Variants in NMT2 observed in about 807,000 individuals in gnomAD.
The protein encoded by NMT2 is N-myristoyltransferase 2.
In NMT2, 35 loss-of-function variants were observed where a neutral mutation model predicts 65.4. That is an observed-to-expected ratio of 0.54 (90% CI 0.41 to 0.71). NMT2 has a LOEUF of 0.71. Ranked by LOEUF, NMT2 falls within the 30% of genes least tolerant of loss-of-function variation. The pLI, the probability that NMT2 is intolerant of heterozygous loss-of-function variation, is 0.00. For missense variants in NMT2, 489 were observed against 611.3 expected (o/e 0.80, Z 2.11); for synonymous variants, 226 against 231.8 (o/e 0.98, Z 0.23).
rs746257570 is a variant in NMT2, at chr10:15,130,132, G to A, written c.890+10C>T. The A allele has an allele frequency of 1.0e-5, 15 of 1,486,430 alleles. No homozygotes were observed. The highest frequency in any genetic ancestry group is 1.4e-5 in the African/African-American group (1 of 70,652). The allele number at this position is 1,486,430 out of a possible 1,614,324, so 92.1% of individuals were successfully genotyped here. ...AGGGAGGACCTGAGGTAGAAATATG[G>A]TACTGGTACCTGCATGTGGCTATGG... On this transcript the variant is annotated intron_variant, in intron 7 of 11. Transcript: ENST00000378165.
chr10:15,135,423 G>A lies in NMT2; in HGVS notation c.247-5C>T, dbSNP rs369397146. The A allele has an allele frequency of 2.0e-5, 32 of 1,613,384 alleles. No homozygotes were observed. The highest frequency in any genetic ancestry group is 6.7e-5 in the African/African-American group (5 of 74,878). ...CTGCATTGGAACACTGGGATTCTACGACAGCAAAGACAGACACAGAATATG... is the reference window on the plus strand; with the variant it reads ...CTGCATTGGAACACTGGGATTCTACAACAGCAAAGACAGACACAGAATATG... On this transcript the variant is annotated splice_region_variant and splice_polypyrimidine_tract_variant and intron_variant, in intron 2 of 11. Transcript: ENST00000378165.
chr10:15,123,286 C>T (rs1472198990), intron 8 of NMT2, among the ~76,000 whole-genome samples: 1 of 152,096 alleles, frequency 6.6e-6, no homozygotes, highest in Non-Finnish European at 1.5e-5. Context: ...GTGGCTCACA[C>T]CTGTAATCTC....
intron 1 of NMT2, among the ~76,000 whole-genome samples, chr10:15,161,081 CAAAAA>C (rs750859200): frequency 2.6e-4 from 5 of 19,274 alleles, no homozygotes; most frequent in Admixed American, 1.2e-3. Flanking sequence ...CCTCAAAAAT[CAAAAA>C]AAAAAAAAAA....
chr10:15,159,436 A>G lies in NMT2; in HGVS notation c.110+9067T>C, dbSNP rs983493634. ...TTTATTTATTTATTTATTGAGACAG[A>G]GTCTCACTGTCGCCCAGGCTCACTG... On this transcript the variant is annotated intron_variant, in intron 1 of 11. Coordinates refer to ENST00000378165, the MANE Select transcript of NMT2 (RefSeq NM_004808.3). 6.4e-5 allele frequency among the ~76,000 whole-genome samples: 8 copies of G among 125,634 alleles called. No individual in the cohort carries two copies. In the South Asian group the frequency reaches 1.4e-3, roughly 22 times the overall value. The allele number at this position is 125,634 out of a possible 152,430, so 82.4% of individuals were successfully genotyped here. A position where few individuals can be genotyped will look rare whatever the true frequency, so the allele number is the denominator to read the frequency against.
intron 9 of NMT2, among the ~76,000 whole-genome samples, chr10:15,116,353 C>T (rs545857994): frequency 8.6e-5 from 13 of 151,946 alleles, no homozygotes; most frequent in East Asian, 3.9e-4. Context: ...AAGCCTCAAA[C>T]GAAACCAAAA....
chr10:15,127,057 C>T (rs776558884), intron 8 of NMT2, among the ~76,000 whole-genome samples: 1 of 148,796 alleles, frequency 6.7e-6, no homozygotes, highest in Admixed American at 6.7e-5. Context: ...ATGGTGAAAC[C>T]CCCGCCATCT....
At chr10:15,134,428 C>T (rs1282496625) in intron 3 of NMT2, among the ~76,000 whole-genome samples, 1 of 152,162 alleles carries the variant, frequency 6.6e-6, no homozygotes, top group East Asian at 1.9e-4. Context: ...AGGGACGGGC[C>T]CCTTGGAATT....
chr10:15,126,556 T>C (rs555872990), intron 8 of NMT2, among the ~76,000 whole-genome samples: 1 of 152,248 alleles, frequency 6.6e-6, no homozygotes, highest in South Asian at 2.1e-4. Flanking sequence ...CTGGCTTTGA[T>C]GAATAAGCTG....
At chr10:15,156,627 G>A (rs1166942170) in intron 1 of NMT2, among the ~76,000 whole-genome samples, 2 of 152,076 alleles carry the variant, frequency 1.3e-5, no homozygotes, top group East Asian at 1.9e-4. Flanking sequence ...GGCCAGGCGC[G>A]GTGGCTCACG....
intron 1 of NMT2, among the ~76,000 whole-genome samples, chr10:15,145,584 T>G (rs1020728832): frequency 6.6e-6 from 1 of 152,190 alleles, no homozygotes; most frequent in Non-Finnish European, 1.5e-5. Flanking sequence ...TTCGCTACGT[T>G]GGCCAGGACA....
intron 8 of NMT2, among the ~76,000 whole-genome samples, chr10:15,122,577 G>A (rs568147567): frequency 1.3e-5 from 2 of 152,142 alleles, no homozygotes; most frequent in South Asian, 2.1e-4. Flanking sequence ...GTGCCACCAC[G>A]CCCAGCTAAT....
At chr10:15,153,807 G>A (rs1028870634) in intron 1 of NMT2, among the ~76,000 whole-genome samples, 2 of 151,252 alleles carry the variant, frequency 1.3e-5, no homozygotes, top group African/African-American at 2.4e-5. Context: ...CCGCCACCAC[G>A]CCCGGCTAAT....
chr10:15,127,374 C>T (rs1452947633), intron 8 of NMT2, among the ~76,000 whole-genome samples: 1 of 150,952 alleles, frequency 6.6e-6, no homozygotes, highest in Non-Finnish European at 1.5e-5. Flanking sequence ...GGTGAAACCC[C>T]GTCTCTACTA....
chr10:15,130,714 A>C, intron 6 of NMT2, among the ~76,000 whole-genome samples: 1 of 150,340 alleles, frequency 6.7e-6, no homozygotes. Context: ...AAAAAAAAAA[A>C]AAAAAAAAAA....
chr10:15,151,730 G>C (rs957484706), intron 1 of NMT2, among the ~76,000 whole-genome samples: 2 of 152,108 alleles, frequency 1.3e-5, no homozygotes, highest in African/African-American at 4.8e-5. Context: ...GTTTTAAAAA[G>C]AGAAAAAAAG....
In NMT2 at chr10:15,107,698, G is replaced by T; in HGVS notation, c.*1497C>A. 1 of 861,526 alleles carries T rather than the reference G, an allele frequency of 1.2e-6. No individual in the cohort carries two copies. 53.4% of individuals were successfully genotyped at this position (861,526 alleles called of 1,614,324 possible). ...TCGAACCCCTGACCTCAAATGTTTCGCCCGCCTTGGCCTCCCAAAGTGCTG... is the reference window on the plus strand; with the variant it reads ...TCGAACCCCTGACCTCAAATGTTTCTCCCGCCTTGGCCTCCCAAAGTGCTG... On this transcript the variant is annotated 3_prime_UTR_variant, in exon 12 of 12. Coordinates refer to ENST00000378165, the MANE Select transcript of NMT2 (RefSeq NM_004808.3).
In NMT2 at chr10:15,128,390, A is replaced by C; in HGVS notation, c.959T>G (p.Met320Arg). Residue 320 changes from methionine to arginine, a missense_variant, in exon 8 of 12, where the codon ATG becomes AGG. Transcript: ENST00000378165. Reference protein sequence around the residue: ...EVKFSHLSRNMTLQRTMKLYR... With the variant: ...EVKFSHLSRNRTLQRTMKLYR... ...TAGCTTCATTGTTCTCTGTAAAGTCATATTTCTACTCAAGTGAGAAAATTT... is the reference window on the plus strand; with the variant it reads ...TAGCTTCATTGTTCTCTGTAAAGTCCTATTTCTACTCAAGTGAGAAAATTT... The C allele has an allele frequency of 1.2e-6, 2 of 1,610,384 alleles. No individual in the cohort carries two copies. Among genetic ancestry groups the C allele is most frequent in the Non-Finnish European group, 1.7e-6 (2 of 1,176,722 alleles).
intron 1 of NMT2, among the ~76,000 whole-genome samples, chr10:15,158,384 T>C (rs1385954014): frequency 6.7e-6 from 1 of 149,986 alleles, no homozygotes; most frequent in East Asian, 2.0e-4. Flanking sequence ...CATTTAAAAA[T>C]GTTGGGCCCT....
At chr10:15,137,542 A>C (rs1381024063) in intron 2 of NMT2, among the ~76,000 whole-genome samples, 1 of 152,150 alleles carries the variant, frequency 6.6e-6, no homozygotes, top group Non-Finnish European at 1.5e-5. Context: ...CTGAACTCCA[A>C]CAACACCATC....
Sources: gnomAD v4.1 joint callset for allele counts (sites outside exome capture counted in the v4.1 genomes callset) on GRCh38, gnomAD v4.1.1 for gene constraint, MANE v1.5 for transcripts, NCBI Gene and HGNC (gene_info 2026-07-23, HGNC 2026-07-21) for gene names.